KLHL14: variants seen among roughly 807,000 people sequenced by gnomAD.
KLHL14 encodes the protein kelch like family member 14.
A neutral mutation model predicts 64.3 loss-of-function variants in KLHL14; 22 were observed. The observed-to-expected ratio is 0.34, with a 90% CI of 0.24 to 0.49. The LOEUF is 0.49. KLHL14 is among the 20% of genes least tolerant of loss of function. The pLI is 0.99. For missense variants in KLHL14, 661 were observed against 789.0 expected (o/e 0.84, Z 1.94); for synonymous variants, 322 against 333.4 (o/e 0.97, Z 0.37).
At chr18:32,706,846 G>A (rs781746339) in intron 3 of KLHL14, among the ~76,000 whole-genome samples, 1 of 152,188 alleles carries the variant, frequency 6.6e-6, no homozygotes, top group Non-Finnish European at 1.5e-5. Context: ...TCAGATGTGT[G>A]CATGTCTCCT....
intron 8 of KLHL14, among the ~76,000 whole-genome samples, chr18:32,675,928 G>A (rs998607505): frequency 6.6e-6 from 1 of 151,956 alleles, no homozygotes; most frequent in African/African-American, 2.4e-5. Flanking sequence ...TCTTGTTAGA[G>A]GCAAAAGAAA....
intron 3 of KLHL14, among the ~76,000 whole-genome samples, chr18:32,717,210 G>T (rs1469106134): frequency 6.6e-6 from 1 of 152,192 alleles, no homozygotes; most frequent in Admixed American, 6.5e-5. Flanking sequence ...AAATCTTATG[G>T]AAATAATAAT....
chr18:32,703,568 G>C (rs142058936), intron 3 of KLHL14, among the ~76,000 whole-genome samples: 1,804 of 152,198 alleles, frequency 0.012, 33 homozygotes, highest in African/African-American at 0.041. Context: ...TTGTGCCAAG[G>C]GCAAAGGTTT....
chr18:32,719,680 G>C (rs2050066428), intron 3 of KLHL14, among the ~76,000 whole-genome samples: 1 of 152,204 alleles, frequency 6.6e-6, no homozygotes, highest in Admixed American at 6.5e-5. Flanking sequence ...GTGGCTAAAA[G>C]ATTTCCAAAA....
At chr18:32,742,169 C>T in intron 2 of KLHL14, 120 bp from the exon 3 acceptor site, 1 of 1,191,996 alleles carries the variant, frequency 8.4e-7, no homozygotes, top group Admixed American at 2.6e-5. Context: ...TCATTTTTTC[C>T]TGTTTCTTCC....
intron 3 of KLHL14, among the ~76,000 whole-genome samples, chr18:32,722,434 A>G (rs551401138): frequency 1.8e-4 from 28 of 152,326 alleles, no homozygotes; most frequent in African/African-American, 6.5e-4. Flanking sequence ...TGTCCACAGC[A>G]GAGCTGAGCT....
intron 1 of KLHL14, among the ~76,000 whole-genome samples, chr18:32,771,855 C>T (rs915441138): frequency 1.9e-4 from 29 of 152,120 alleles, no homozygotes; most frequent in African/African-American, 5.8e-4. Context: ...CCAGCATCGT[C>T]GCCTGCAGCC....
intron 3 of KLHL14, among the ~76,000 whole-genome samples, chr18:32,729,440 T>C (rs1025274158): frequency 2.0e-5 from 3 of 152,262 alleles, no homozygotes; most frequent in East Asian, 1.9e-4. Context: ...ACTGCAAAGA[T>C]ACAGGACATT....
At chr18:32,719,080 C>G (rs1365409322) in intron 3 of KLHL14, among the ~76,000 whole-genome samples, 1 of 152,200 alleles carries the variant, frequency 6.6e-6, no homozygotes, top group Non-Finnish European at 1.5e-5. Context: ...TCCCGAGTAG[C>G]TGGGATTGCA....
intron 3 of KLHL14, among the ~76,000 whole-genome samples, chr18:32,726,101 C>A (rs6506985): frequency 1.3e-5 from 2 of 152,074 alleles, no homozygotes. Flanking sequence ...TTAGCAAATA[C>A]GGCCTGTTGG....
At chr18:32,689,478 C>T (rs1052943628) in intron 4 of KLHL14, among the ~76,000 whole-genome samples, 23 of 152,082 alleles carry the variant, frequency 1.5e-4, no homozygotes, top group Non-Finnish European at 3.1e-4. Context: ...CTGGTGGCCT[C>T]AACAAGAATT....
Position 32,683,053 on chromosome 18 carries a change from T to C in KLHL14, c.1239-2454A>G, listed in dbSNP as rs2049850732. On this transcript the variant is annotated intron_variant, in intron 5 of 8. Coordinates refer to ENST00000359358, the MANE Select transcript of KLHL14 (RefSeq NM_020805.3). The surrounding 1 kb of genome is among the most constrained non-coding windows in gnomAD (Gnocchi z 4.2). Reference sequence around the variant, plus strand: ...TGAAAACCTTCTATTTAACTGAGTATAGATTTTGAAGAATAAGAGGAAGAT... The same window carrying C: ...TGAAAACCTTCTATTTAACTGAGTACAGATTTTGAAGAATAAGAGGAAGAT... 6.6e-6 allele frequency among the ~76,000 whole-genome samples: 1 copy of C among 152,210 alleles called. No individual in the cohort carries two copies. Among genetic ancestry groups the C allele is most frequent in the Admixed American group, 6.5e-5 (1 of 15,286 alleles).
At chr18:32,748,198 G>T (rs2050233209) in intron 2 of KLHL14, among the ~76,000 whole-genome samples, 1 of 152,000 alleles carries the variant, frequency 6.6e-6, no homozygotes, top group African/African-American at 2.4e-5. Context: ...TGGCCTTTTT[G>T]TCACTCTTAT....
chr18:32,699,688 A>T (rs1308717872), intron 3 of KLHL14, among the ~76,000 whole-genome samples: 4 of 152,160 alleles, frequency 2.6e-5, no homozygotes, highest in African/African-American at 9.7e-5. Context: ...CTGAGTGTTC[A>T]GTGATGGTGT....
chr18:32,695,865 T>C (rs2049934318), intron 3 of KLHL14, among the ~76,000 whole-genome samples: 1 of 152,138 alleles, frequency 6.6e-6, no homozygotes, highest in Non-Finnish European at 1.5e-5. Context: ...CCTGATGATG[T>C]GGATAGTGAT....
chr18:32,684,042 T>G (rs955369502), intron 5 of KLHL14, among the ~76,000 whole-genome samples: 1 of 152,216 alleles, frequency 6.6e-6, no homozygotes, highest in African/African-American at 2.4e-5. Flanking sequence ...TTTCTATTTT[T>G]TTAGATTAGC....
rs2050200625 is a variant in KLHL14, at chr18:32,741,920, G to A, written c.1069+8C>T. 2 of 1,575,426 alleles carry A rather than the reference G, an allele frequency of 1.3e-6. No homozygotes were observed. Among genetic ancestry groups the A allele is most frequent in the Admixed American group, 2.0e-5 (1 of 49,708 alleles). ...GTGAGTGAATAAATAAATAAATAAT[G>A]CACTCACTTGTGAGTATTTTCCATG... On this transcript the variant is annotated splice_region_variant and intron_variant, in intron 3 of 8. Coordinates refer to ENST00000359358, the MANE Select transcript of KLHL14 (RefSeq NM_020805.3).
intron 2 of KLHL14, among the ~76,000 whole-genome samples, chr18:32,757,684 A>T (rs1208347259): frequency 6.6e-6 from 1 of 152,204 alleles, no homozygotes; most frequent in Non-Finnish European, 1.5e-5. Flanking sequence ...TAAGTCGAGT[A>T]ATGAAAATAT....
chr18:32,738,404 G>C (rs1015370124), intron 3 of KLHL14: 5 of 152,118 alleles, frequency 3.3e-5, no homozygotes, highest in Admixed American at 1.3e-4. Flanking sequence ...GCAGGAGTGA[G>C]AGATGCAAGA....
Sources: gnomAD v4.1 joint callset for allele counts (sites outside exome capture counted in the v4.1 genomes callset) on GRCh38, gnomAD v4.1.1 for gene constraint, Gnocchi (gnomAD v3.1) non-coding constraint, MANE v1.5 for transcripts, NCBI Gene and HGNC (gene_info 2026-07-23, HGNC 2026-07-21) for gene names.